Variants in MAGI1 observed in about 807,000 individuals in gnomAD.
MAGI1 encodes the protein membrane-associated guanylate kinase, WW and PDZ domain-containing protein 1.
In MAGI1, 58 loss-of-function variants were observed where a neutral mutation model predicts 139.9. The observed-to-expected ratio is 0.41, with a 90% CI of 0.34 to 0.52. MAGI1 has a LOEUF of 0.52. Among genes scored for constraint, MAGI1 ranks in the 20% least tolerant of loss-of-function variants. MAGI1 has a pLI of 0.12. For synonymous variants in MAGI1, 812 were observed against 737.9 expected (o/e 1.10, Z -1.63); for missense variants, 1,874 against 1,901.6 (o/e 0.99, Z 0.27).
chr3:65,821,318 G>A lies in MAGI1; in HGVS notation c.314-199230C>T, dbSNP rs993637527. ...TCCCCTGCCCTGTTTCAGGCCCCGA[G>A]GTCTGCCAGAGTTTGGTCATAGCAT... On this transcript the variant is annotated intron_variant, in intron 1 of 22. Coordinates refer to ENST00000402939, the MANE Select transcript of MAGI1 (RefSeq NM_001033057.2). 4.6e-5 allele frequency among the ~76,000 whole-genome samples: 7 copies of A among 152,200 alleles called. No individual in the cohort carries two copies. In the East Asian group the frequency reaches 5.8e-4, roughly 13 times the overall value.
At chr3:65,491,793 G>C (rs944617918) in intron 3 of MAGI1, among the ~76,000 whole-genome samples, 2 of 151,190 alleles carry the variant, frequency 1.3e-5, no homozygotes, top group Admixed American at 6.6e-5. Context: ...GTAGTTTCAG[G>C]AAACTAAGCC....
intron 2 of MAGI1, among the ~76,000 whole-genome samples, chr3:65,495,197 A>G (rs939633419): frequency 5.3e-5 from 8 of 152,218 alleles, no homozygotes; most frequent in African/African-American, 1.4e-4. Flanking sequence ...TGCCTCTCCA[A>G]CCTGTGGTCT....
intron 1 of MAGI1, among the ~76,000 whole-genome samples, chr3:65,788,978 G>C (rs986748708): frequency 1.3e-5 from 2 of 152,036 alleles, no homozygotes; most frequent in Non-Finnish European, 2.9e-5. Context: ...AGGAGTTCAA[G>C]ACCAGCCTGA....
intron 1 of MAGI1, among the ~76,000 whole-genome samples, chr3:65,691,172 G>A (rs755345517): frequency 8.1e-4 from 123 of 151,804 alleles, no homozygotes; most frequent in Non-Finnish European, 1.6e-3. Context: ...GCGTGGTGGC[G>A]GGCGCCTGTA....
Position 65,363,510 on chromosome 3 carries a change from C to A in MAGI1, c.3450G>T (p.Leu1150=). ...CCGCAGGACCGTCCTCTGCTAAGCGCAGAACATAGAGGTCCATGTTATACT... is the reference window on the plus strand; with the variant it reads ...CCGCAGGACCGTCCTCTGCTAAGCGAAGAACATAGAGGTCCATGTTATACT... The part of the protein sequence containing the change: ...GREYNMDLYV[L]RLAEDGPAER... The change falls in exon 21 of 23, where the codon CTG becomes CTT. Residue 1150 remains leucine (L), a synonymous_variant. Coordinates refer to ENST00000402939, the MANE Select transcript of MAGI1 (RefSeq NM_001033057.2). 1 of 1,614,038 alleles carries A rather than the reference C, an allele frequency of 6.2e-7. No individual in the cohort carries two copies. The highest frequency in any genetic ancestry group is 8.5e-7 in the Non-Finnish European group (1 of 1,179,952).
chr3:65,593,806 T>C lies in MAGI1; in HGVS notation c.430+28166A>G, dbSNP rs536707581. Among the ~76,000 whole-genome samples the C allele has an allele frequency of 2.6e-5, 4 of 152,360 alleles. No individual in the cohort carries two copies. The East Asian group carries it at 5.8e-4, about 22-fold the overall frequency. On this transcript the variant is annotated intron_variant, in intron 2 of 22. Coordinates refer to ENST00000402939, the MANE Select transcript of MAGI1 (RefSeq NM_001033057.2). ...ATATTGATATCTCATTATATGGATA[T>C]AGTTATATTGGGATATTGAAAGAGA...
intron 2 of MAGI1, among the ~76,000 whole-genome samples, chr3:65,529,512 A>G (rs1167311418): frequency 6.6e-6 from 1 of 152,178 alleles, no homozygotes; most frequent in Non-Finnish European, 1.5e-5. Flanking sequence ...TTTTCAAGGC[A>G]TGTAATGTGG....
At chr3:65,824,961 T>A (rs565693101) in intron 1 of MAGI1, among the ~76,000 whole-genome samples, 8 of 152,318 alleles carry the variant, frequency 5.3e-5, no homozygotes, top group African/African-American at 1.9e-4. Flanking sequence ...GAAAGAAGCA[T>A]GTCTGTACTC....
At chr3:65,871,156 T>G (rs1411634574) in intron 1 of MAGI1, among the ~76,000 whole-genome samples, 1 of 152,046 alleles carries the variant, frequency 6.6e-6, no homozygotes, top group Non-Finnish European at 1.5e-5. Context: ...CAAACTGGTC[T>G]TGAACCCTGG....
At chr3:65,789,255 G>C (rs988139214) in intron 1 of MAGI1, among the ~76,000 whole-genome samples, 3 of 152,150 alleles carry the variant, frequency 2.0e-5, no homozygotes, top group Admixed American at 6.6e-5. Context: ...AGGAAAGCAA[G>C]TACATAAAGT....
At chr3:65,907,470 T>C (rs912197733) in intron 1 of MAGI1, among the ~76,000 whole-genome samples, 3 of 152,182 alleles carry the variant, frequency 2.0e-5, no homozygotes, top group African/African-American at 7.2e-5. Context: ...CACACCCGCC[T>C]TCCCTGGAAC....
rs139638476 is a variant in MAGI1 at position 65,478,737 on chromosome 3, C to T, written c.612G>A (p.Thr204=). 3.1e-6 allele frequency: 5 copies of T among 1,614,044 alleles called. No homozygotes were observed. The highest frequency in any genetic ancestry group is 1.1e-5 in the South Asian group (1 of 91,080). ...SQPVSGKVIT[T]DALHSLQSGS... ...CAGACTGAAGGCTGTGCAAGGCATC[C>T]GTCGTGATCACTTTCCCACTGACTG... Residue 204 remains threonine, a synonymous_variant, in exon 4 of 23, where the codon ACG becomes ACA. Transcript: ENST00000402939.
chr3:65,509,537 G>A (rs1439611762), intron 2 of MAGI1, among the ~76,000 whole-genome samples: 2 of 152,172 alleles, frequency 1.3e-5, no homozygotes, highest in Admixed American at 1.3e-4. Context: ...TCAAAGAAAG[G>A]GGTGACGGAC....
chr3:65,518,448 G>A (rs1316650672), intron 2 of MAGI1, among the ~76,000 whole-genome samples: 1 of 152,104 alleles, frequency 6.6e-6, no homozygotes, highest in African/African-American at 2.4e-5. Context: ...AGGTACACTG[G>A]GGCTTAACTT....
intron 1 of MAGI1, among the ~76,000 whole-genome samples, chr3:65,945,341 T>C (rs1232239261): frequency 1.3e-5 from 2 of 152,202 alleles, no homozygotes; most frequent in African/African-American, 4.8e-5. Context: ...TAGTACCCAA[T>C]AGTTATTTTG....
At chr3:65,890,759 G>T (rs1057286036) in intron 1 of MAGI1, among the ~76,000 whole-genome samples, 1 of 152,186 alleles carries the variant, frequency 6.6e-6, no homozygotes, top group Non-Finnish European at 1.5e-5. Flanking sequence ...CATACAGCTG[G>T]AATGGCAACC....
intron 1 of MAGI1, among the ~76,000 whole-genome samples, chr3:65,659,653 G>A (rs563392048): frequency 5.1e-4 from 78 of 152,172 alleles, no homozygotes; most frequent in Non-Finnish European, 9.3e-4. Flanking sequence ...GAGTAAACCC[G>A]TACTCCCCTT....
chr3:65,662,860 A>T (rs560052293), intron 1 of MAGI1, among the ~76,000 whole-genome samples: 6 of 151,998 alleles, frequency 3.9e-5, no homozygotes, highest in Non-Finnish European at 7.4e-5. Context: ...TTCTGCCCCA[A>T]CTCCCTGCCC....
At chr3:65,357,476 T>A (rs1446434042) in intron 22 of MAGI1, among the ~76,000 whole-genome samples, 1 of 152,108 alleles carries the variant, frequency 6.6e-6, no homozygotes, top group South Asian at 2.1e-4. Context: ...TAGCTATCCC[T>A]TGTTCTTCCT....
Sources: gnomAD v4.1 joint callset for allele counts (sites outside exome capture counted in the v4.1 genomes callset) on GRCh38, gnomAD v4.1.1 for gene constraint, MANE v1.5 for transcripts, NCBI Gene and HGNC (gene_info 2026-07-23, HGNC 2026-07-21) for gene names.